Variants in UGT2A2 observed in about 807,000 individuals in gnomAD.
UGT2A2 encodes UDP glucuronosyltransferase family 2 member A2.
Under a neutral mutation model 50.7 loss-of-function variants are expected in UGT2A2, and 60 were observed. That is an observed-to-expected ratio of 1.18 (90% confidence interval 0.96 to 1.47). The LOEUF is 1.47. Ranked by LOEUF, UGT2A2 falls within the 40% of genes most tolerant of loss-of-function variation. The pLI, the probability that UGT2A2 is intolerant of heterozygous loss-of-function variation, is 0.00. For synonymous variants in UGT2A2, 242 were observed against 214.6 expected (o/e 1.13, Z -1.11); for missense variants, 762 against 634.0 (o/e 1.20, Z -2.17).
intron 2 of UGT2A2, among the ~76,000 whole-genome samples, chr4:69,597,729 CACACACAAACATACACAT>C (rs1315219110): frequency 3.9e-5 from 6 of 151,984 alleles, no homozygotes; most frequent in Non-Finnish European, 5.9e-5. Flanking sequence ...CACACACACA[CACACACAAACATACACAT>C]ACACACAAAC....
At chr4:69,597,853 A>G (rs1048224909) in intron 2 of UGT2A2, among the ~76,000 whole-genome samples, 3 of 152,132 alleles carry the variant, frequency 2.0e-5, no homozygotes, top group African/African-American at 7.2e-5. Context: ...TTATTTCATC[A>G]GCAATATAAC....
intron 1 of UGT2A2, among the ~76,000 whole-genome samples, chr4:69,638,346 G>T (rs1193323701): frequency 6.6e-6 from 1 of 152,134 alleles, no homozygotes; most frequent in African/African-American, 2.4e-5. Context: ...AATGTTTCAT[G>T]CAAGGAAACA....
intron 1 of UGT2A2, among the ~76,000 whole-genome samples, chr4:69,634,388 G>C (rs992745624): frequency 2.0e-5 from 3 of 152,114 alleles, no homozygotes; most frequent in Non-Finnish European, 4.4e-5. Context: ...TCCAGGGAAA[G>C]GGTGGGAAGC....
At chr4:69,610,578 T>C (rs536808965) in intron 1 of UGT2A2, among the ~76,000 whole-genome samples, 1 of 152,268 alleles carries the variant, frequency 6.6e-6, no homozygotes, top group African/African-American at 2.4e-5. Flanking sequence ...CCCCTAAAAT[T>C]TGTATATGAA....
chr4:69,627,342 C>G (rs1560486624), intron 1 of UGT2A2, among the ~76,000 whole-genome samples: 1 of 151,726 alleles, frequency 6.6e-6, no homozygotes, highest in Non-Finnish European at 1.5e-5. Context: ...AGCATTAAAA[C>G]AGTACTACTA....
At chr4:69,628,579 G>A in intron 1 of UGT2A2, among the ~76,000 whole-genome samples, 1 of 151,192 alleles carries the variant, frequency 6.6e-6, no homozygotes, top group East Asian at 1.9e-4. Context: ...CTTATCTGAA[G>A]CCATCACTCT....
chr4:69,625,282 T>C (rs1720987235), intron 1 of UGT2A2, among the ~76,000 whole-genome samples: 1 of 151,032 alleles, frequency 6.6e-6, no homozygotes, highest in African/African-American at 2.4e-5. Flanking sequence ...TATTTTTCTT[T>C]TTACTTGGTT....
intron 1 of UGT2A2, among the ~76,000 whole-genome samples, chr4:69,627,992 C>T (rs371776452): frequency 6.6e-5 from 10 of 151,990 alleles, no homozygotes; most frequent in African/African-American, 2.2e-4. Flanking sequence ...TTGATTGTCT[C>T]TTTTGCTGGC....
intron 1 of UGT2A2, among the ~76,000 whole-genome samples, chr4:69,625,817 A>C (rs1721022532): frequency 6.6e-6 from 1 of 151,546 alleles, no homozygotes; most frequent in Admixed American, 6.6e-5. Flanking sequence ...CAAATATTAA[A>C]ATTAATTAGT....
At chr4:69,607,827 C>T (rs911988626) in intron 1 of UGT2A2, among the ~76,000 whole-genome samples, 124 of 152,288 alleles carry the variant, frequency 8.1e-4, no homozygotes, top group African/African-American at 2.9e-3. Flanking sequence ...AAATGCTCAT[C>T]ATCACTGGCC....
chr4:69,593,830 G>A (rs1376863829), intron 5 of UGT2A2, among the ~76,000 whole-genome samples: 20 of 151,418 alleles, frequency 1.3e-4, no homozygotes, highest in Admixed American at 5.9e-4. Context: ...TTTCAATTTT[G>A]TATTTACTGA....
At chr4:69,626,367 A>G (rs1164124653) in intron 1 of UGT2A2, among the ~76,000 whole-genome samples, 1 of 151,628 alleles carries the variant, frequency 6.6e-6, no homozygotes, top group Non-Finnish European at 1.5e-5. Context: ...AAAAAACTAT[A>G]TACATATGTA....
Position 69,639,179 on chromosome 4 carries a change from A to C in UGT2A2, c.462T>G (p.Asp154Glu). 2 of 1,613,722 alleles carry C rather than the reference A, an allele frequency of 1.2e-6. No individual in the cohort carries two copies. The highest frequency in any genetic ancestry group is 1.7e-6 in the Non-Finnish European group (2 of 1,179,760). The change falls in exon 1 of 6, where the codon GAT (aspartate) becomes GAG (glutamate). Residue 154 changes from aspartate to glutamate, a missense_variant. Asp to Glu is a conservative substitution (Grantham distance 45). Transcript: ENST00000604629. The stretch of plus-strand genomic sequence containing the variant: ...TTGTTACTGGGTCTGCTACCAACAC[A>C]TCAAAACCACCTTTCTGAAGTCTTG... Reference protein sequence around the residue: ...LMARLQKGGFDVLVADPVTIC... With the variant: ...LMARLQKGGFEVLVADPVTIC...
Position 69,603,802 on chromosome 4 carries a change from G to C in UGT2A2, c.743-4408C>G, listed in dbSNP as rs542736403. ...CCTCAGTAGCCGATTCAATCAACTG[G>C]AAGAAAGGGTATCAGTGATGGAAGA... On this transcript the variant is annotated intron_variant, in intron 1 of 5. Transcript: ENST00000604629. Among the ~76,000 whole-genome samples, 7 of 137,062 alleles carry C rather than the reference G, an allele frequency of 5.1e-5. 3 individuals carry two copies. Among genetic ancestry groups the C allele is most frequent in the South Asian group, 2.4e-4 (1 of 4,206 alleles). 89.9% of individuals were successfully genotyped at this position (137,062 alleles called of 152,430 possible).
chr4:69,623,575 A>T lies in UGT2A2; in HGVS notation c.742+15324T>A, dbSNP rs534863779. 4.0e-5 allele frequency among the ~76,000 whole-genome samples: 6 copies of T among 151,502 alleles called. No homozygotes were observed. In the South Asian group the frequency reaches 1.2e-3, roughly 31 times the overall value. Reference sequence around the variant, plus strand: ...AAATAATATTTTACATTATTTAATGATAGATACAAAATGTACAAAGACATA... The same window carrying T: ...AAATAATATTTTACATTATTTAATGTTAGATACAAAATGTACAAAGACATA... On this transcript the variant is annotated intron_variant, in intron 1 of 5. Transcript: ENST00000604629.
At chr4:69,610,782 C>T (rs1487465053) in intron 1 of UGT2A2, among the ~76,000 whole-genome samples, 1 of 152,138 alleles carries the variant, frequency 6.6e-6, no homozygotes, top group Non-Finnish European at 1.5e-5. Flanking sequence ...ACAGACCTGG[C>T]AAACCCTGAT....
Position 69,594,640 on chromosome 4 carries a change from C to T in UGT2A2, c.1168G>A (p.Ala390Thr), listed in dbSNP as rs762301580. 1 of 1,614,076 alleles carries T rather than the reference C, an allele frequency of 6.2e-7. No individual in the cohort carries two copies. The highest frequency in any genetic ancestry group is 8.5e-7 in the Non-Finnish European group (1 of 1,180,022). ...THGGTNGIYE[A>T]IYHGVPMVGV... The stretch of plus-strand genomic sequence containing the variant: ...ACCATAGGGACTCCGTGGTAAATAG[C>T]TTCGTAGATCCCATTAGTTCCACCA... The change falls in exon 5 of 6, where the codon GCT (alanine) becomes ACT (threonine). Residue 390 changes from alanine to threonine, a missense_variant. Physicochemically the swap from Ala to Thr is moderately conservative, Grantham distance 58 (BLOSUM62 0). Transcript: ENST00000604629.
intron 3 of UGT2A2, 67 bp downstream of exon 3, chr4:69,596,183 C>A: frequency 7.2e-7 from 1 of 1,394,682 alleles, no homozygotes; most frequent in Non-Finnish European, 9.4e-7. Flanking sequence ...ATGGAAAGAA[C>A]ATTACTAGCT....
chr4:69,618,766 C>A (rs1051159206), intron 1 of UGT2A2, among the ~76,000 whole-genome samples: 1 of 151,748 alleles, frequency 6.6e-6, no homozygotes, highest in Non-Finnish European at 1.5e-5. Flanking sequence ...ACTCCAATAC[C>A]TTTATTGGTT....
Sources: allele counts gnomAD v4.1 joint callset (sites outside exome capture counted in the v4.1 genomes callset), GRCh38; gene constraint gnomAD v4.1.1; transcripts MANE v1.5; gene names NCBI Gene and HGNC (gene_info 2026-07-23, HGNC 2026-07-21).